Variants in RALGPS2 observed in about 807,000 individuals in gnomAD.
RALGPS2 encodes ras-specific guanine nucleotide-releasing factor RalGPS2.
In RALGPS2, 43 loss-of-function variants were observed where a neutral mutation model predicts 86.8. That is an observed-to-expected ratio of 0.50 (90% CI 0.39 to 0.64). The LOEUF (loss-of-function observed/expected upper bound fraction) is 0.64. RALGPS2 is among the 30% of genes least tolerant of loss of function. The pLI, the probability that RALGPS2 is intolerant of heterozygous loss-of-function variation, is 0.00. For missense variants in RALGPS2, 536 were observed against 694.6 expected (o/e 0.77, Z 2.57); for synonymous variants, 243 against 231.3 (o/e 1.05, Z -0.46).
chr1:178,780,594 T>C (rs1653342037), intron 2 of RALGPS2, among the ~76,000 whole-genome samples: 1 of 152,190 alleles, frequency 6.6e-6, no homozygotes, highest in African/African-American at 2.4e-5. Flanking sequence ...ATTTAACCCC[T>C]ACTAATCCTC....
intron 5 of RALGPS2, 104 bp downstream of exon 5, chr1:178,808,232 C>A: frequency 1.3e-6 from 1 of 790,232 alleles, no homozygotes; most frequent in Non-Finnish European, 2.1e-6. Flanking sequence ...GGAATATTTT[C>A]AGCCAGTATC....
Position 178,902,096 on chromosome 1 carries a change from T to C in RALGPS2, c.1525-10T>C, listed in dbSNP as rs773760112. 8.7e-6 allele frequency: 14 copies of C among 1,600,090 alleles called. No individual in the cohort carries two copies. Among genetic ancestry groups the C allele is most frequent in the Admixed American group, 3.3e-5 (2 of 59,776 alleles). On this transcript the variant is annotated splice_polypyrimidine_tract_variant and intron_variant, in intron 17 of 19. Coordinates refer to ENST00000367635, the MANE Select transcript of RALGPS2 (RefSeq NM_152663.5). Reference sequence around the variant, plus strand: ...TTTCTGTTTCCGCTAATTATCTTTTTTTCTCTCAGTTCAAATCAACATCCA... The same window carrying C: ...TTTCTGTTTCCGCTAATTATCTTTTCTTCTCTCAGTTCAAATCAACATCCA...
At chr1:178,814,322 AT>A (rs1379060094) in intron 6 of RALGPS2, among the ~76,000 whole-genome samples, 1 of 152,214 alleles carries the variant, frequency 6.6e-6, no homozygotes, top group East Asian at 1.9e-4. Context: ...ATTCTTGGCT[AT>A]TATGAGCCCT....
chr1:178,813,001 C>T (rs1356862982), intron 6 of RALGPS2, among the ~76,000 whole-genome samples: 2 of 143,990 alleles, frequency 1.4e-5, no homozygotes, highest in African/African-American at 5.2e-5. Flanking sequence ...GGTGCGATCT[C>T]GGCTCACTGC....
chr1:178,815,511 C>T (rs1371133626), intron 6 of RALGPS2, among the ~76,000 whole-genome samples: 1 of 152,070 alleles, frequency 6.6e-6, no homozygotes, highest in Non-Finnish European at 1.5e-5. Context: ...TTTACATGTT[C>T]TTAATTTTAG....
rs776962666 is a variant in RALGPS2, at chr1:178,853,669, G to A, written c.607+20119G>A. Reference sequence around the variant, plus strand: ...TCTGAATAACAGTCCAACCCCCAGGGTCCAAACTGTTTTCACACCATAACT... The same window carrying A: ...TCTGAATAACAGTCCAACCCCCAGGATCCAAACTGTTTTCACACCATAACT... On this transcript the variant is annotated intron_variant, in intron 8 of 19. Coordinates refer to ENST00000367635, the MANE Select transcript of RALGPS2 (RefSeq NM_152663.5). The A allele has an allele frequency of 1.9e-6, 3 of 1,612,650 alleles. No individual in the cohort carries two copies. In the South Asian group the frequency reaches 3.3e-5, roughly 18 times the overall value.
intron 7 of RALGPS2, among the ~76,000 whole-genome samples, chr1:178,824,635 C>T (rs541574983): frequency 4.7e-4 from 71 of 152,006 alleles, no homozygotes; most frequent in Non-Finnish European, 7.5e-4. Context: ...GGTGAAACCC[C>T]GTCTCTACTA....
intron 1 of RALGPS2, among the ~76,000 whole-genome samples, chr1:178,745,452 A>G (rs1358901213): frequency 1.3e-5 from 2 of 152,270 alleles, no homozygotes; most frequent in East Asian, 1.9e-4. Flanking sequence ...GGAATAGAAC[A>G]GAGTCCAGAA....
At chr1:178,802,035 C>T (rs979130944) in intron 4 of RALGPS2, among the ~76,000 whole-genome samples, 2 of 152,114 alleles carry the variant, frequency 1.3e-5, no homozygotes, top group Middle Eastern at 3.2e-3. Flanking sequence ...ATAATCAGAA[C>T]TACACTTTAC....
At chr1:178,900,127 A>G (rs897192878) in intron 17 of RALGPS2, among the ~76,000 whole-genome samples, 3 of 151,996 alleles carry the variant, frequency 2.0e-5, no homozygotes, top group Admixed American at 6.6e-5. Flanking sequence ...ATGGCTAATC[A>G]TTGTGGCATT....
chr1:178,843,980 TC>T (rs1333937800), intron 8 of RALGPS2, among the ~76,000 whole-genome samples: 1 of 152,214 alleles, frequency 6.6e-6, no homozygotes, highest in African/African-American at 2.4e-5. Flanking sequence ...ATGTATTTAA[TC>T]TATTAAAACA....
At chr1:178,805,834 G>A (rs1160813423) in intron 4 of RALGPS2, among the ~76,000 whole-genome samples, 1 of 151,828 alleles carries the variant, frequency 6.6e-6, no homozygotes, top group East Asian at 1.9e-4. Context: ...CTTAAGTTTT[G>A]TTTTCTTTGA....
At chr1:178,773,833 A>C (rs185750823) in intron 1 of RALGPS2, among the ~76,000 whole-genome samples, 1 of 152,282 alleles carries the variant, frequency 6.6e-6, no homozygotes, top group East Asian at 1.9e-4. Context: ...TACATTTGTA[A>C]ATAGTTACGA....
At chr1:178,781,943 G>C (rs979800603) in intron 2 of RALGPS2, among the ~76,000 whole-genome samples, 2 of 152,136 alleles carry the variant, frequency 1.3e-5, no homozygotes, top group Non-Finnish European at 2.9e-5. Context: ...TGAGGTTTCT[G>C]CTTGGATTCA....
In RALGPS2 at chr1:178,800,239, C is replaced by A. The variant is rs552392938; in HGVS notation, c.214-7806C>A. 4.6e-5 allele frequency among the ~76,000 whole-genome samples: 7 copies of A among 152,174 alleles called. No individual in the cohort carries two copies. The East Asian group carries it at 1.2e-3, about 25-fold the overall frequency. On this transcript the variant is annotated intron_variant, in intron 4 of 19. Transcript: ENST00000367635. ...CATTTGACTTCTTTTACAACATGGA[C>A]CGTTCTATGATACAGGCATTGAAAC...
chr1:178,865,507 A>G (rs1455454744), intron 8 of RALGPS2: 6 of 1,613,884 alleles, frequency 3.7e-6, no homozygotes, highest in African/African-American at 1.3e-5. Context: ...TGGAGAGCAC[A>G]TCCTTCAGGT....
intron 2 of RALGPS2, among the ~76,000 whole-genome samples, chr1:178,781,904 A>G (rs996104525): frequency 6.6e-6 from 1 of 152,184 alleles, no homozygotes; most frequent in Non-Finnish European, 1.5e-5. Context: ...TAAACACAAG[A>G]AATAAAACTC....
At chr1:178,815,951 G>A (rs1655204112) in intron 6 of RALGPS2, among the ~76,000 whole-genome samples, 1 of 152,212 alleles carries the variant, frequency 6.6e-6, no homozygotes, top group Non-Finnish European at 1.5e-5. Context: ...GATTTCCAGT[G>A]TATGGATATT....
In RALGPS2 at chr1:178,918,987, A is replaced by G. The variant is rs1660898234; in HGVS notation, c.*2628A>G. On this transcript the variant is annotated 3_prime_UTR_variant, in exon 20 of 20. Coordinates refer to ENST00000367635, the MANE Select transcript of RALGPS2 (RefSeq NM_152663.5). ...TTTCACCCTTAGCCAAGAAGAACTC[A>G]TTAGAAATTCAGTTATAATTTCAAT... is the stretch of plus-strand genomic sequence containing the variant. 1 of 152,112 alleles carries G rather than the reference A, an allele frequency of 6.6e-6. No individual in the cohort carries two copies. The highest frequency in any genetic ancestry group is 2.4e-5 in the African/African-American group (1 of 41,456). 9.4% of individuals were successfully genotyped at this position (152,112 alleles called of 1,614,324 possible). A position where few individuals can be genotyped will look rare whatever the true frequency, so the allele number is the denominator to read the frequency against.
Sources: gnomAD v4.1 joint callset for allele counts (sites outside exome capture counted in the v4.1 genomes callset) on GRCh38, gnomAD v4.1.1 for gene constraint, MANE v1.5 for transcripts, NCBI Gene and HGNC (gene_info 2026-07-23, HGNC 2026-07-21) for gene names.